SYT12: variants seen among roughly 807,000 people sequenced by gnomAD.
SYT12 encodes synaptotagmin-12.
In SYT12, 27 loss-of-function variants were observed where a neutral mutation model predicts 39.5. The ratio of observed to expected loss-of-function variants is 0.68; its 90% CI spans 0.50 to 0.94. SYT12 has a LOEUF of 0.94. SYT12 is among the 40% of genes least tolerant of loss of function. The probability of loss-of-function intolerance (pLI) is 0.00; values close to 1 mark genes in which losing one functional copy is unlikely to be tolerated. For missense variants in SYT12, 536 were observed against 572.6 expected, an observed-to-expected ratio of 0.94 and a Z score of 0.65; for synonymous variants, 233 against 239.7, an observed-to-expected ratio of 0.97 and a Z score of 0.26.
intron 3 of SYT12, among the ~76,000 whole-genome samples, chr11:67,035,742 C>A (rs1261236333): frequency 2.0e-5 from 3 of 151,824 alleles, no homozygotes; most frequent in Non-Finnish European, 4.4e-5. Flanking sequence ...CAGACGTGAG[C>A]CACCGCGCCC....
intron 1 of SYT12, among the ~76,000 whole-genome samples, chr11:67,024,851 C>T (rs1950160231): frequency 6.6e-6 from 1 of 152,168 alleles, no homozygotes; most frequent in Non-Finnish European, 1.5e-5. Flanking sequence ...CCTTGCTAGC[C>T]AGAGAATGAT....
At chr11:67,042,306 G>A (rs766760658) in intron 4 of SYT12, among the ~76,000 whole-genome samples, 1 of 152,160 alleles carries the variant, frequency 6.6e-6, no homozygotes, top group Non-Finnish European at 1.5e-5. Flanking sequence ...ACCGTGCAGA[G>A]CTCCTGTCGT....
chr11:67,010,965 A>G (rs1950009180), exon 3 of SYT12: 1 of 152,264 alleles, frequency 6.6e-6, no homozygotes, highest in Non-Finnish European at 1.5e-5. Flanking sequence ...AATATGTCAC[A>G]TAACACACAA....
At position 67,015,772 on chromosome 11, in the gene SYT12, C is replaced by G. The variant is rs545820578; in HGVS notation, c.-69+4778C>G. On this transcript the variant is annotated intron_variant, in intron 3 of 10. Transcript: ENST00000393946. ...CTAAAATCCCTTCATATGGTAAACG[C>G]TGGGATCTTCGTAAAGCTCCTTCAC... is the stretch of plus-strand genomic sequence containing the variant. Among the ~76,000 whole-genome samples the G allele has an allele frequency of 2.0e-5, 3 of 152,278 alleles. No individual in the cohort carries two copies. In the East Asian group the frequency reaches 5.8e-4, roughly 29 times the overall value.
At chr11:67,019,524 CG>C (rs1950087217), upstream of SYT12, among the ~76,000 whole-genome samples, 1 of 151,448 alleles carries the variant, frequency 6.6e-6, no homozygotes, top group Non-Finnish European at 1.5e-5. Flanking sequence ...GAGAACAGTA[CG>C]GGGGAAACCG....
chr11:67,030,224 C>G, intron 2 of SYT12, 46 bp downstream of exon 2: 1 of 1,608,802 alleles, frequency 6.2e-7, no homozygotes, highest in East Asian at 2.2e-5. Flanking sequence ...CTGCGAGACC[C>G]TTACACCAGG....
chr11:67,011,239 CT>C (rs1250671923), intron 3 of SYT12, among the ~76,000 whole-genome samples: 2 of 152,002 alleles, frequency 1.3e-5, no homozygotes, highest in African/African-American at 4.8e-5. Context: ...TTAACTTTGA[CT>C]TTCTTTTCTT....
chr11:67,018,786 G>A (rs1355601701), upstream of SYT12, among the ~76,000 whole-genome samples: 1 of 151,758 alleles, frequency 6.6e-6, no homozygotes, highest in East Asian at 1.9e-4. Context: ...TGGCGCCGCT[G>A]CACTCCAGCC....
At chr11:67,048,127 C>T (rs1359197565) in intron 7 of SYT12, among the ~76,000 whole-genome samples, 7 of 150,176 alleles carry the variant, frequency 4.7e-5, no homozygotes, top group African/African-American at 9.8e-5. Flanking sequence ...AAAAATTAGC[C>T]GGGCATGGTG....
chr11:67,038,179 A>ATTTATTTATTTT (rs1950422289), intron 3 of SYT12, among the ~76,000 whole-genome samples: 1 of 150,758 alleles, frequency 6.6e-6, no homozygotes, highest in South Asian at 2.1e-4. Context: ...TTATTTATTT[A>ATTTATTTATTTT]TTTTTGAGAC....
chr11:67,039,944 A>G lies in SYT12; in HGVS notation c.362A>G (p.Asp121Gly). Residue 121 changes from aspartate to glycine, a missense_variant, in exon 4 of 8, where the codon GAC becomes GGC. By Grantham distance (94) the Asp-to-Gly change is moderately conservative. Transcript: ENST00000527043. The stretch of plus-strand genomic sequence containing the variant: ...CTGGAGCTGATGGGCCGGGAGTTGG[A>G]CCTGGCCCCCTATGGGACCCTCCGG... Reference protein sequence around the residue: ...GPLELMGRELDLAPYGTLRKS... With the variant: ...GPLELMGRELGLAPYGTLRKS... 2 of 1,613,658 alleles carry G rather than the reference A, an allele frequency of 1.2e-6. No individual in the cohort carries two copies. The highest frequency in any genetic ancestry group is 1.7e-5 in the Admixed American group (1 of 60,008).
chr11:67,028,670 G>A (rs1370544865), intron 1 of SYT12: 2 of 152,348 alleles, frequency 1.3e-5, no homozygotes. Flanking sequence ...GCTCCGAGGG[G>A]TTGGGAATTG....
intron 1 of SYT12, chr11:67,029,383 C>T (rs1950226450): frequency 6.6e-6 from 1 of 152,214 alleles, no homozygotes; most frequent in African/African-American, 2.4e-5. Flanking sequence ...AATGAGTCAC[C>T]TACTGCGTCG....
rs1854693216 is a variant in SYT12, at chr11:67,049,748, G to A, written c.*991G>A. The A allele has an allele frequency of 6.6e-6, 1 of 152,494 alleles. No individual in the cohort carries two copies. The highest frequency in any genetic ancestry group is 2.4e-5 in the African/African-American group (1 of 41,452). The allele number at this position is 152,494 out of a possible 1,614,324, so 9.4% of individuals were successfully genotyped here. A position where few individuals can be genotyped will look rare whatever the true frequency, so the allele number is the denominator to read the frequency against. ...CAAGGAGGCTCTCGGGCTGGGCCTT[G>A]GAGGGGTGGCAGCGGAAGGACAGCC... On this transcript the variant is annotated 3_prime_UTR_variant, in exon 8 of 8. Coordinates refer to ENST00000527043, the MANE Select transcript of SYT12 (RefSeq NM_177963.4).
At chr11:67,009,306 CTTGA>C (rs1246751151) in intron 1 of SYT12, among the ~76,000 whole-genome samples, 1 of 152,196 alleles carries the variant, frequency 6.6e-6, no homozygotes, top group East Asian at 1.9e-4. Context: ...GTGCCCCGAC[CTTGA>C]TTGATTTTTT....
At chr11:67,020,980 C>T (rs1241231181), upstream of SYT12, among the ~76,000 whole-genome samples, 5 of 152,058 alleles carry the variant, frequency 3.3e-5, no homozygotes, top group East Asian at 1.9e-4. Flanking sequence ...CTACCTGCCT[C>T]GGCCTCCCAA....
intron 3 of SYT12, among the ~76,000 whole-genome samples, chr11:67,017,656 A>T (rs2136196616): frequency 6.8e-6 from 1 of 147,936 alleles, no homozygotes; most frequent in African/African-American, 2.5e-5. Context: ...CACCTCGCCC[A>T]GCCACAACAA....
chr11:67,019,373 C>G (rs554134197), upstream of SYT12, among the ~76,000 whole-genome samples: 5 of 151,556 alleles, frequency 3.3e-5, no homozygotes, highest in South Asian at 1.0e-3. Flanking sequence ...TCAGGAGATT[C>G]AGGCAGGAGA....
chr11:67,046,238 C>T (rs2136234056), intron 7 of SYT12, among the ~76,000 whole-genome samples: 1 of 152,252 alleles, frequency 6.6e-6, no homozygotes, highest in Middle Eastern at 3.4e-3. Context: ...CCCAGAGTTC[C>T]TGCTCTGAAT....
Sources: allele counts gnomAD v4.1 joint callset (sites outside exome capture counted in the v4.1 genomes callset), GRCh38; gene constraint gnomAD v4.1.1; transcripts MANE v1.5; gene names NCBI Gene and HGNC (gene_info 2026-07-23, HGNC 2026-07-21).